ZCCHC8: variants seen among roughly 807,000 people sequenced by gnomAD.
ZCCHC8 encodes zinc finger CCHC domain-containing protein 8.
ZCCHC8 carries 27 observed loss-of-function variants against 70.6 expected under a neutral mutation model. That is an observed-to-expected ratio of 0.38 (90% CI 0.28 to 0.53). The LOEUF is 0.53. Among genes scored for constraint, ZCCHC8 ranks in the 20% least tolerant of loss-of-function variants. The pLI, the probability that ZCCHC8 is intolerant of heterozygous loss-of-function variation, is 0.81. For missense variants in ZCCHC8, 737 were observed against 876.9 expected (o/e 0.84, Z 2.01); for synonymous variants, 293 against 317.4 (o/e 0.92, Z 0.82).
At position 122,479,941 on chromosome 12, in the gene ZCCHC8, G is replaced by A. The variant is rs575303678; in HGVS notation, c.1140+249C>T. 2.0e-5 allele frequency among the ~76,000 whole-genome samples: 3 copies of A among 152,200 alleles called. No homozygotes were observed. The East Asian group carries it at 5.8e-4, about 29-fold the overall frequency. ...TCCTCCCACCCCAGCCTCCCTAGTAGCCAGGACTACAGGCATGTGCCACCA... is the reference window on the plus strand; with the variant it reads ...TCCTCCCACCCCAGCCTCCCTAGTAACCAGGACTACAGGCATGTGCCACCA... On this transcript the variant is annotated intron_variant, in intron 11 of 13. Coordinates refer to ENST00000633063, the MANE Select transcript of ZCCHC8 (RefSeq NM_017612.5).
rs371388010 is a variant in ZCCHC8 at position 122,480,190 on chromosome 12, G to A, written c.1140C>T (p.Asp380=). The A allele has an allele frequency of 8.6e-5, 135 of 1,571,218 alleles. No individual in the cohort carries two copies. Among genetic ancestry groups the A allele is most frequent in the Admixed American group, 2.3e-4 (13 of 55,968 alleles). ...AATTTAAAAAAATCAATATACTTAC[G>A]TCTGGAATTCCTCTGGGAGTAGATA... ...FNISTPRGIP[D]EWRIFGSIPM... The change falls in exon 11 of 14, where the codon GAC becomes GAT. Residue 380 remains aspartate (D), a splice_region_variant and synonymous_variant. Coordinates refer to ENST00000633063, the MANE Select transcript of ZCCHC8 (RefSeq NM_017612.5).
intron 2 of ZCCHC8, among the ~76,000 whole-genome samples, chr12:122,495,449 CCG>C (rs1457998246): frequency 6.6e-6 from 1 of 152,204 alleles, no homozygotes; most frequent in Non-Finnish European, 1.5e-5. Context: ...CAAGATCATG[CCG>C]CTGTACTCCA....
chr12:122,493,537 T>C (rs1053783181), intron 2 of ZCCHC8, among the ~76,000 whole-genome samples: 2 of 152,028 alleles, frequency 1.3e-5, no homozygotes, highest in African/African-American at 2.4e-5. Flanking sequence ...TTCTCCTGCC[T>C]CAGCCTCCTG....
rs1957504917 is a variant in ZCCHC8 at position 122,480,230 on chromosome 12, T to G, written c.1100A>C (p.Tyr367Ser). 1 of 1,601,462 alleles carries G rather than the reference T, an allele frequency of 6.2e-7. No homozygotes were observed. ...VTYDLSKLVN[Y>S]PGFNISTPRG... ...GGGAGTAGATATATTAAAACCAGGA[T>G]AGTTGACCAATTTTGAGAGATCGTA... The change falls in exon 11 of 14, where the codon TAT (tyrosine) becomes TCT (serine). Residue 367 changes from tyrosine to serine, a missense_variant. Coordinates refer to ENST00000633063, the MANE Select transcript of ZCCHC8 (RefSeq NM_017612.5).
At position 122,474,286 on chromosome 12, in the gene ZCCHC8, AAAGTT is replaced by A. The variant is rs1957374358; in HGVS notation, c.1346-16_1346-12del. ...GTGGTACCTCCATATCTGAAGTAAGAAAGTTAAGAGATACTTTAGAACTTATAATA... is the reference window on the plus strand; with the variant it reads ...GTGGTACCTCCATATCTGAAGTAAGAAAGAGATACTTTAGAACTTATAATA... On this transcript the variant is annotated splice_polypyrimidine_tract_variant and intron_variant, in intron 13 of 13. Coordinates refer to ENST00000633063, the MANE Select transcript of ZCCHC8 (RefSeq NM_017612.5). The A allele has an allele frequency of 7.2e-7, 1 of 1,382,360 alleles. No homozygotes were observed. Among genetic ancestry groups the A allele is most frequent in the Non-Finnish European group, 9.4e-7 (1 of 1,061,936 alleles). 85.6% of individuals were successfully genotyped at this position (1,382,360 alleles called of 1,614,324 possible). A position where few individuals can be genotyped will look rare whatever the true frequency, so the allele number is the denominator to read the frequency against.
chr12:122,482,243 T>G, intron 8 of ZCCHC8, 156 bp from the exon 9 acceptor site: 1 of 756,450 alleles, frequency 1.3e-6, no homozygotes. Context: ...TTTAGAAAAA[T>G]ACGTAAGGAA....
At position 122,491,384 on chromosome 12, in the gene ZCCHC8, C is replaced by T. The variant is rs565523369; in HGVS notation, c.318-817G>A. 5.3e-3 allele frequency among the ~76,000 whole-genome samples: 807 copies of T among 151,150 alleles called. 4 individuals carry two copies. The highest frequency in any genetic ancestry group is 7.7e-3 in the Non-Finnish European group (524 of 67,818). ...TCTCTACTAAAAATACAAAAATTAG[C>T]CAGGCCTGGTGGCAGGCACCTGTAA... is the stretch of plus-strand genomic sequence containing the variant. On this transcript the variant is annotated intron_variant, in intron 3 of 13. Coordinates refer to ENST00000633063, the MANE Select transcript of ZCCHC8 (RefSeq NM_017612.5).
At chr12:122,492,586 C>CT (rs1394813278) in intron 3 of ZCCHC8, 129 bp downstream of exon 3, 11 of 674,758 alleles carry the variant, frequency 1.6e-5, no homozygotes, top group Non-Finnish European at 2.5e-5. Context: ...ATTCCTTGTA[C>CT]TTTAACTCCA....
chr12:122,476,040 A>G (rs540045658), intron 13 of ZCCHC8, among the ~76,000 whole-genome samples: 12 of 152,354 alleles, frequency 7.9e-5, no homozygotes, highest in African/African-American at 2.6e-4. Context: ...CATTCAGCAC[A>G]GATGCTGTTT....
In ZCCHC8 at chr12:122,492,859, A is replaced by T; in HGVS notation, c.243-70T>A. 23 of 1,034,704 alleles carry T rather than the reference A, an allele frequency of 2.2e-5. 1 individual carries two copies. In the South Asian group the frequency reaches 3.2e-4, roughly 14 times the overall value. 64.1% of individuals were successfully genotyped at this position (1,034,704 alleles called of 1,614,324 possible). On this transcript the variant is annotated intron_variant, in intron 2 of 13. Transcript: ENST00000633063. ...AACTTGCATACGTATATATAAACGCATAACTTTTATACTTTTTTTTTCCTT... is the reference window on the plus strand; with the variant it reads ...AACTTGCATACGTATATATAAACGCTTAACTTTTATACTTTTTTTTTCCTT...
rs1286094156 is a variant in ZCCHC8, at chr12:122,500,575, G to C, written c.199+67C>G. The C allele has an allele frequency of 6.7e-7, 1 of 1,485,712 alleles. No individual in the cohort carries two copies. Among genetic ancestry groups the C allele is most frequent in the South Asian group, 1.3e-5 (1 of 78,500 alleles). The allele number at this position is 1,485,712 out of a possible 1,614,324, so 92.0% of individuals were successfully genotyped here. On this transcript the variant is annotated intron_variant, in intron 1 of 13. Transcript: ENST00000633063. The surrounding 1 kb of genome is among the most constrained non-coding windows in gnomAD (Gnocchi z 4.8). Reference sequence around the variant, plus strand: ...CCTCGCCCTCGCCCGGCGCTGCCCCGGCCCCACGCCTGGCGCTGCCCCGGC... The same window carrying C: ...CCTCGCCCTCGCCCGGCGCTGCCCCCGCCCCACGCCTGGCGCTGCCCCGGC...
rs199691684 is a variant in ZCCHC8, at chr12:122,481,939, T to C, written c.875+6A>G. 11 of 1,611,096 alleles carry C rather than the reference T, an allele frequency of 6.8e-6. No individual in the cohort carries two copies. The highest frequency in any genetic ancestry group is 7.6e-6 in the Non-Finnish European group (9 of 1,178,868). ...ATGACCTTCTATGGTAAAATGCCAT[T>C]AGTACCTAATAACTCCTGGCTTGAA... On this transcript the variant is annotated splice_donor_region_variant and intron_variant, in intron 9 of 13. Transcript: ENST00000633063.
At position 122,473,472 on chromosome 12, in the gene ZCCHC8, T is replaced by G; in HGVS notation, c.*25A>C. 6.2e-7 allele frequency: 1 copy of G among 1,601,672 alleles called. No homozygotes were observed. The highest frequency in any genetic ancestry group is 8.5e-7 in the Non-Finnish European group (1 of 1,173,806). On this transcript the variant is annotated 3_prime_UTR_variant, in exon 14 of 14. Transcript: ENST00000633063. ...TAATTAACGGAACAAAGTTATTAAA[T>G]AGCTCTCAGTGCTAAGTCAAGCCAT...
chr12:122,473,905 T>C lies in ZCCHC8; in HGVS notation c.1716A>G (p.Thr572=), dbSNP rs773186404. 5.0e-6 allele frequency: 8 copies of C among 1,613,832 alleles called. No individual in the cohort carries two copies. The South Asian group carries it at 8.8e-5, about 18-fold the overall frequency. Residue 572 remains threonine (T), a synonymous_variant, in exon 14 of 14, where the codon ACA becomes ACG. Coordinates refer to ENST00000633063, the MANE Select transcript of ZCCHC8 (RefSeq NM_017612.5). ...GCTCATCCAGCGTCTGCTTTTCAGA[T>C]GTTTTTCCCTCCGGGACAGGGAGGT... ...ELDLPVPEGK[T]SEKQTLDEPE...
chr12:122,500,398 G>C lies in ZCCHC8; in HGVS notation c.199+244C>G, dbSNP rs1437774188. 7.4e-6 allele frequency: 4 copies of C among 542,358 alleles called. No individual in the cohort carries two copies. In the African/African-American group the frequency reaches 7.8e-5, roughly 11 times the overall value. 33.6% of individuals were successfully genotyped at this position (542,358 alleles called of 1,614,324 possible). ...CCCTAAACACGGCACCCGGGTGGGAGGCAGGAGTGGGTCTGGTCAGGAGAC... is the reference window on the plus strand; with the variant it reads ...CCCTAAACACGGCACCCGGGTGGGACGCAGGAGTGGGTCTGGTCAGGAGAC... On this transcript the variant is annotated intron_variant, in intron 1 of 13. Transcript: ENST00000633063. This position sits in a 1 kb window ranked among gnomAD's most constrained non-coding sequence, Gnocchi z 4.8.
intron 5 of ZCCHC8, among the ~76,000 whole-genome samples, chr12:122,485,170 G>A (rs111497843): frequency 0.041 from 6,245 of 152,202 alleles, 390 homozygotes; most frequent in African/African-American, 0.14. Context: ...GTGCCATGGC[G>A]CAATCTCAGC....
chr12:122,488,416 G>GTAA (rs2137352320), intron 5 of ZCCHC8, among the ~76,000 whole-genome samples: 2 of 152,066 alleles, frequency 1.3e-5, no homozygotes, highest in South Asian at 4.2e-4. Context: ...CTGGACTCAG[G>GTAA]TAATCCTTCC....
Position 122,473,435 on chromosome 12 carries a change from C to A in ZCCHC8, c.*62G>T. 1 of 1,473,132 alleles carries A rather than the reference C, an allele frequency of 6.8e-7. No homozygotes were observed. The highest frequency in any genetic ancestry group is 9.3e-7 in the Non-Finnish European group (1 of 1,080,436). The allele number at this position is 1,473,132 out of a possible 1,614,324, so 91.3% of individuals were successfully genotyped here. ...ACAGGAAAACCATTCTATCTATCCA[C>A]TTAATTAGTACTAATTAACGGAACA... is the stretch of plus-strand genomic sequence containing the variant. On this transcript the variant is annotated 3_prime_UTR_variant, in exon 14 of 14. Transcript: ENST00000633063.
At chr12:122,478,038 T>A (rs941888353) in intron 12 of ZCCHC8, 80 bp from the exon 13 acceptor site, 2 of 1,286,876 alleles carry the variant, frequency 1.6e-6, no homozygotes. Flanking sequence ...TAAAATGATG[T>A]AGAAAAACAA....
Sources: gnomAD v4.1 joint callset for allele counts (sites outside exome capture counted in the v4.1 genomes callset) on GRCh38, gnomAD v4.1.1 for gene constraint, Gnocchi (gnomAD v3.1) non-coding constraint, MANE v1.5 for transcripts, NCBI Gene and HGNC (gene_info 2026-07-23, HGNC 2026-07-21) for gene names.